Variants in GPR158 observed in about 807,000 individuals in gnomAD.
The protein encoded by GPR158 is metabotropic glycine receptor.
Under a neutral mutation model 78.2 loss-of-function variants are expected in GPR158, and 30 were observed. The ratio of observed to expected loss-of-function variants is 0.38; its 90% CI spans 0.29 to 0.52. The LOEUF (loss-of-function observed/expected upper bound fraction) is 0.52, where lower values mean the gene tolerates loss of function less well. GPR158 is among the 20% of genes least tolerant of loss of function. GPR158 has a pLI of 0.83. For synonymous variants in GPR158, 581 were observed against 591.1 expected (o/e 0.98, Z 0.25); for missense variants, 1,463 against 1,523.5 (o/e 0.96, Z 0.66).
At chr10:25,508,866 T>C (rs910127786) in intron 5 of GPR158, among the ~76,000 whole-genome samples, 11 of 152,242 alleles carry the variant, frequency 7.2e-5, no homozygotes. Flanking sequence ...TGCTTTATTT[T>C]AGCCACAGGG....
chr10:25,319,688 T>C (rs943651684), intron 2 of GPR158, among the ~76,000 whole-genome samples: 2 of 152,182 alleles, frequency 1.3e-5, no homozygotes, highest in African/African-American at 4.8e-5. Context: ...AGAAATTTTT[T>C]CTTCTAAGCT....
At chr10:25,572,615 GT>G in intron 6 of GPR158, 33 bp from the exon 7 acceptor site, 1 of 1,299,306 alleles carries the variant, frequency 7.7e-7, no homozygotes, top group South Asian at 1.2e-5. Flanking sequence ...TGAATGTTAG[GT>G]TTGCTTTCAC....
chr10:25,522,419 CAG>C (rs1477798686), intron 5 of GPR158, among the ~76,000 whole-genome samples: 2 of 152,176 alleles, frequency 1.3e-5, no homozygotes, highest in African/African-American at 2.4e-5. Context: ...GATATTCCAG[CAG>C]AGTCATGGCC....
At chr10:25,245,239 A>G (rs1365748670) in intron 2 of GPR158, among the ~76,000 whole-genome samples, 1 of 152,240 alleles carries the variant, frequency 6.6e-6, no homozygotes, top group Non-Finnish European at 1.5e-5. Context: ...GCATTTGTTA[A>G]CAAACAACCT....
intron 2 of GPR158, among the ~76,000 whole-genome samples, chr10:25,307,635 A>C (rs1424690223): frequency 1.3e-5 from 2 of 151,994 alleles, no homozygotes; most frequent in African/African-American, 4.8e-5. Context: ...TTGGCCTCCA[A>C]AAGTGCTGGG....
intron 1 of GPR158, among the ~76,000 whole-genome samples, chr10:25,188,615 C>T (rs1316633722): frequency 6.6e-6 from 1 of 152,132 alleles, no homozygotes; most frequent in Admixed American, 6.5e-5. Context: ...TTCCTTACAC[C>T]TTATACAAAA....
intron 2 of GPR158, among the ~76,000 whole-genome samples, chr10:25,302,349 G>A (rs774649434): frequency 5.9e-5 from 9 of 151,740 alleles, no homozygotes; most frequent in Middle Eastern, 3.2e-3. Flanking sequence ...TTCCCAAAGC[G>A]CTGGGATTAC....
chr10:25,514,883 G>C (rs1428195723), intron 5 of GPR158, among the ~76,000 whole-genome samples: 4 of 152,132 alleles, frequency 2.6e-5, no homozygotes, highest in African/African-American at 9.7e-5. Flanking sequence ...TGATAATTCT[G>C]CTGTTAACTT....
At chr10:25,586,390 AATTT>A (rs1837267619) in intron 7 of GPR158, among the ~76,000 whole-genome samples, 7 of 130,942 alleles carry the variant, frequency 5.3e-5, no homozygotes, top group East Asian at 2.3e-4. Context: ...GGTATGTGTG[AATTT>A]TTTTTTTTTT....
intron 6 of GPR158, among the ~76,000 whole-genome samples, chr10:25,571,185 T>TG (rs1837002792): frequency 1.3e-5 from 2 of 152,176 alleles, no homozygotes; most frequent in South Asian, 4.1e-4. Context: ...ACTGTTAATC[T>TG]GGGGAACTGA....
chr10:25,509,903 G>C (rs370018004), intron 5 of GPR158, among the ~76,000 whole-genome samples: 1 of 152,026 alleles, frequency 6.6e-6, no homozygotes, highest in East Asian at 1.9e-4. Context: ...TAGTTGAGAC[G>C]GGGTTTCACC....
intron 2 of GPR158, among the ~76,000 whole-genome samples, chr10:25,241,810 C>A (rs2130709362): frequency 6.6e-6 from 1 of 152,296 alleles, no homozygotes; most frequent in South Asian, 2.1e-4. Context: ...TTAAGGTATA[C>A]AACTAACTTC....
chr10:25,309,378 C>T (rs895577435), intron 2 of GPR158, among the ~76,000 whole-genome samples: 2 of 148,760 alleles, frequency 1.3e-5, no homozygotes, highest in African/African-American at 5.2e-5. Context: ...CTATTCAAGT[C>T]CTTTGCCCAC....
chr10:25,179,628 G>C (rs1852589196), intron 1 of GPR158, among the ~76,000 whole-genome samples: 1 of 152,000 alleles, frequency 6.6e-6, no homozygotes, highest in Admixed American at 6.5e-5. Context: ...TTATGTTTCA[G>C]AATGACACAA....
chr10:25,212,215 G>C (rs868784767), intron 1 of GPR158, among the ~76,000 whole-genome samples: 2 of 152,302 alleles, frequency 1.3e-5, no homozygotes, highest in African/African-American at 4.8e-5. Flanking sequence ...CTGGCTCACA[G>C]TTCTGCAGGC....
intron 5 of GPR158, among the ~76,000 whole-genome samples, chr10:25,495,252 T>C (rs1835864184): frequency 6.6e-6 from 1 of 151,530 alleles, no homozygotes; most frequent in Admixed American, 6.6e-5. Context: ...AACTCCATAC[T>C]TTTGCTATTT....
chr10:25,313,121 G>A (rs7907066), intron 2 of GPR158, among the ~76,000 whole-genome samples: 30,604 of 151,434 alleles, frequency 0.2, 5,204 homozygotes, highest in African/African-American at 0.47. Flanking sequence ...AAACAATAGT[G>A]GAGGAAATGG....
intron 2 of GPR158, among the ~76,000 whole-genome samples, chr10:25,258,820 A>T (rs528655752): frequency 6.6e-6 from 1 of 152,200 alleles, no homozygotes; most frequent in African/African-American, 2.4e-5. Flanking sequence ...ATTCCCAAAA[A>T]GTTAACTACT....
At chr10:25,484,010 A>G (rs1370932914) in intron 5 of GPR158, among the ~76,000 whole-genome samples, 1 of 152,170 alleles carries the variant, frequency 6.6e-6, no homozygotes, top group Non-Finnish European at 1.5e-5. Flanking sequence ...GTGTCTCTCT[A>G]AATCTTTATC....
Sources: allele counts gnomAD v4.1 joint callset (sites outside exome capture counted in the v4.1 genomes callset), GRCh38; gene constraint gnomAD v4.1.1; transcripts MANE v1.5; gene names NCBI Gene and HGNC (gene_info 2026-07-23, HGNC 2026-07-21).